The following PGCKA1 variants were observed in gnomAD, a reference collection of about 807,000 sequenced individuals.
PGCKA1 encodes the protein PDCD10 and GCKIII kinases-associated protein 1.
the PGCKA1 span, among the ~76,000 whole-genome samples, chr4:37,461,674 A>T: frequency 6.6e-6 from 1 of 151,956 alleles, no homozygotes; most frequent in Admixed American, 6.6e-5. Flanking sequence ...AAAGGAAGTT[A>T]TGTGAGACTG....
chr4:37,499,919 T>TA, the PGCKA1 span, among the ~76,000 whole-genome samples: 1 of 14,704 alleles, frequency 6.8e-5, no homozygotes, highest in Non-Finnish European at 1.5e-4. Flanking sequence ...TCTTCCTAAC[T>TA]TTTTTTTTTT....
At chr4:37,479,461 T>G in the PGCKA1 span, among the ~76,000 whole-genome samples, 1 of 152,212 alleles carries the variant, frequency 6.6e-6, no homozygotes, top group African/African-American at 2.4e-5. Context: ...CATGGAGTTT[T>G]TAGTCTAGAA....
the PGCKA1 span, chr4:37,588,684 TG>T: frequency 1.8e-6 from 1 of 570,336 alleles, no homozygotes; most frequent in Non-Finnish European, 3.1e-6. Flanking sequence ...GGGGTATTCC[TG>T]GTAACCAGCA....
chr4:37,572,878 C>T, the PGCKA1 span, among the ~76,000 whole-genome samples: 2 of 152,062 alleles, frequency 1.3e-5, no homozygotes, highest in Non-Finnish European at 2.9e-5. Flanking sequence ...GAAATGGGAG[C>T]ATTTTGGATT....
chr4:37,532,245 A>G, the PGCKA1 span, among the ~76,000 whole-genome samples: 17 of 152,336 alleles, frequency 1.1e-4, 1 homozygote, highest in East Asian at 3.1e-3. Context: ...CTACATGGGA[A>G]AAAGGAAATT....
the PGCKA1 span, among the ~76,000 whole-genome samples, chr4:37,546,856 C>A: frequency 6.6e-6 from 1 of 152,262 alleles, no homozygotes; most frequent in Non-Finnish European, 1.5e-5. Flanking sequence ...CAGCACGTAG[C>A]AGGCCCCTGC....
chr4:37,466,195 A>G, the PGCKA1 span, among the ~76,000 whole-genome samples: 3 of 152,344 alleles, frequency 2.0e-5, no homozygotes, highest in Non-Finnish European at 4.4e-5. Flanking sequence ...TGAGGCTAGC[A>G]TACCTGTACA....
chr4:37,579,218 C>T, the PGCKA1 span, among the ~76,000 whole-genome samples: 6 of 152,062 alleles, frequency 3.9e-5, no homozygotes, highest in South Asian at 8.3e-4. Flanking sequence ...TACATATTAT[C>T]GTACAGTCTA....
the PGCKA1 span, among the ~76,000 whole-genome samples, chr4:37,519,774 C>T: frequency 6.6e-6 from 1 of 152,128 alleles, no homozygotes; most frequent in Non-Finnish European, 1.5e-5. Context: ...TATTTAATGG[C>T]TCTAGCTAGG....
At chr4:37,519,779 GCTAGGACTT>G in the PGCKA1 span, among the ~76,000 whole-genome samples, 1 of 152,102 alleles carries the variant, frequency 6.6e-6, no homozygotes, top group Non-Finnish European at 1.5e-5. Flanking sequence ...AATGGCTCTA[GCTAGGACTT>G]CCAGTACTTT....
the PGCKA1 span, among the ~76,000 whole-genome samples, chr4:37,582,861 A>G: frequency 6.6e-6 from 1 of 152,212 alleles, no homozygotes; most frequent in Non-Finnish European, 1.5e-5. Flanking sequence ...GTCCTCCTCA[A>G]AATTTCACCC....
chr4:37,588,947 C>T, the PGCKA1 span: 7 of 1,456,378 alleles, frequency 4.8e-6, no homozygotes, highest in African/African-American at 5.6e-5. Context: ...TTGTGATGAG[C>T]GTGGGGTCAC....
At chr4:37,590,687 A>G in the PGCKA1 span, 2 of 1,614,196 alleles carry the variant, frequency 1.2e-6, no homozygotes, top group Non-Finnish European at 1.7e-6. Flanking sequence ...TTCAAGAACC[A>G]TACTGAGGAT....
chr4:37,463,375 G>A, the PGCKA1 span, among the ~76,000 whole-genome samples: 45 of 152,164 alleles, frequency 3.0e-4, no homozygotes, highest in Non-Finnish European at 5.9e-4. Flanking sequence ...TGGCTAGACC[G>A]TCAAGATTGC....
chr4:37,465,084 A>G, the PGCKA1 span, among the ~76,000 whole-genome samples: 2 of 152,222 alleles, frequency 1.3e-5, no homozygotes, highest in Non-Finnish European at 2.9e-5. Flanking sequence ...CATTTATAAC[A>G]TTTAAAAGAG....
At chr4:37,543,569 C>T in the PGCKA1 span, among the ~76,000 whole-genome samples, 14 of 152,004 alleles carry the variant, frequency 9.2e-5, no homozygotes, top group Middle Eastern at 3.4e-3. Context: ...TGGCTGGGCG[C>T]GGTGGCTCAC....
the PGCKA1 span, among the ~76,000 whole-genome samples, chr4:37,541,089 C>T: frequency 6.6e-6 from 1 of 152,030 alleles, no homozygotes; most frequent in South Asian, 2.1e-4. Flanking sequence ...TCTATTTTTC[C>T]CCACCAGTGA....
chr4:37,534,674 C>T, the PGCKA1 span, among the ~76,000 whole-genome samples: 1 of 152,146 alleles, frequency 6.6e-6, no homozygotes, highest in East Asian at 1.9e-4. Context: ...CTTGCTGTCA[C>T]CCATAAATGG....
At chr4:37,574,333 C>T in the PGCKA1 span, among the ~76,000 whole-genome samples, 4 of 152,070 alleles carry the variant, frequency 2.6e-5, no homozygotes, top group African/African-American at 4.8e-5. Flanking sequence ...CAGGTCCACA[C>T]GGTTCTTTTT....
Sources: allele counts gnomAD v4.1 joint callset (sites outside exome capture counted in the v4.1 genomes callset), GRCh38; gene constraint gnomAD v4.1.1; transcripts MANE v1.5; gene names NCBI Gene and HGNC (gene_info 2026-07-23, HGNC 2026-07-21).